DAAM1: variants seen among roughly 807,000 people sequenced by gnomAD.
DAAM1 encodes dishevelled associated activator of morphogenesis 1.
In DAAM1, 52 loss-of-function variants were observed where a neutral mutation model predicts 130.0. The ratio of observed to expected loss-of-function variants is 0.40; its 90% CI spans 0.32 to 0.50. The LOEUF is 0.50. Ranked by LOEUF, DAAM1 falls within the 20% of genes least tolerant of loss-of-function variation. The probability of loss-of-function intolerance (pLI) is 0.61; values close to 1 mark genes in which losing one functional copy is unlikely to be tolerated. For synonymous variants in DAAM1, 452 were observed against 444.5 expected (o/e 1.02, Z -0.21); for missense variants, 1,134 against 1,303.8 (o/e 0.87, Z 2.01).
intron 24 of DAAM1, among the ~76,000 whole-genome samples, chr14:59,368,195 AG>A (rs1310712053): frequency 6.6e-6 from 1 of 152,164 alleles, no homozygotes; most frequent in East Asian, 1.9e-4. Context: ...TGTATGTATT[AG>A]TTGGCTTTTA....
intron 1 of DAAM1, among the ~76,000 whole-genome samples, chr14:59,237,859 A>G (rs1295605265): frequency 1.3e-5 from 2 of 152,198 alleles, no homozygotes; most frequent in Non-Finnish European, 2.9e-5. Context: ...TTTAGATGAT[A>G]TATTCATAAC....
rs17095975 is a variant in DAAM1, at chr14:59,263,731, G to A, written c.183+71G>A. On this transcript the variant is annotated intron_variant, in intron 2 of 24. Transcript: ENST00000360909. ...GGAGAAGAGGAGAGGATGTGAATGAGTTGGTTTGGTTTGACATGGACTTTT... is the reference window on the plus strand; with the variant it reads ...GGAGAAGAGGAGAGGATGTGAATGAATTGGTTTGGTTTGACATGGACTTTT... The A allele has an allele frequency of 3.6e-3, 5,692 of 1,596,250 alleles. 118 individuals carry two copies. In the African/African-American group the frequency reaches 0.056, roughly 16 times the overall value.
At chr14:59,268,347 A>T (rs1050773759) in intron 2 of DAAM1, among the ~76,000 whole-genome samples, 4 of 152,236 alleles carry the variant, frequency 2.6e-5, no homozygotes, top group African/African-American at 9.6e-5. Context: ...TAATTCTTGC[A>T]AGTATATATG....
intron 2 of DAAM1, among the ~76,000 whole-genome samples, chr14:59,270,189 G>A (rs539895062): frequency 3.3e-5 from 5 of 152,244 alleles, no homozygotes; most frequent in African/African-American, 1.2e-4. Flanking sequence ...TCCATTTTAT[G>A]TTGCTATAAA....
intron 19 of DAAM1, 102 bp from the exon 20 acceptor site, chr14:59,355,061 ATC>A (rs1886424205): frequency 2.8e-6 from 4 of 1,416,312 alleles, no homozygotes; most frequent in Non-Finnish European, 3.8e-6. Flanking sequence ...CATCTTCAAT[ATC>A]TGTTATTAAG....
chr14:59,258,690 A>G (rs1280445364), intron 1 of DAAM1, among the ~76,000 whole-genome samples: 1 of 152,176 alleles, frequency 6.6e-6, no homozygotes, highest in Non-Finnish European at 1.5e-5. Context: ...CTAGGCTCTG[A>G]ATAGTGGAGC....
intron 3 of DAAM1, among the ~76,000 whole-genome samples, chr14:59,292,452 C>T (rs1883784991): frequency 6.6e-6 from 1 of 152,092 alleles, no homozygotes; most frequent in Non-Finnish European, 1.5e-5. Flanking sequence ...TCTTACATTA[C>T]TCAATAAAGG....
chr14:59,198,073 C>G (rs1487284894), intron 1 of DAAM1, among the ~76,000 whole-genome samples: 1 of 152,120 alleles, frequency 6.6e-6, no homozygotes, highest in African/African-American at 2.4e-5. Context: ...TCTGGATGGC[C>G]TTTGTTTATG....
At chr14:59,223,412 G>C (rs1888838809) in intron 1 of DAAM1, among the ~76,000 whole-genome samples, 2 of 152,194 alleles carry the variant, frequency 1.3e-5, no homozygotes, top group African/African-American at 4.8e-5. Context: ...AAGGAGGGTA[G>C]CCATCTGTAG....
At position 59,248,846 on chromosome 14, in the gene DAAM1, C is replaced by T. The variant is rs193189441; in HGVS notation, c.-37-14595C>T. Reference sequence around the variant, plus strand: ...TCGCCCAGGCTGGAGTGCAGTGGTGCGATCTCGGCTCACTGCAACTTCCGC... The same window carrying T: ...TCGCCCAGGCTGGAGTGCAGTGGTGTGATCTCGGCTCACTGCAACTTCCGC... On this transcript the variant is annotated intron_variant, in intron 1 of 24. Transcript: ENST00000360909. 3.2e-4 allele frequency among the ~76,000 whole-genome samples: 49 copies of T among 152,160 alleles called. 1 individual carries two copies. The highest frequency in any genetic ancestry group is 1.0e-3 in the African/African-American group (43 of 41,496).
intron 1 of DAAM1, among the ~76,000 whole-genome samples, chr14:59,240,698 G>A (rs980252727): frequency 2.6e-5 from 4 of 152,128 alleles, no homozygotes; most frequent in African/African-American, 9.7e-5. Flanking sequence ...ATGATTCCAG[G>A]CAAAAAAGAG....
chr14:59,193,029 G>T (rs1887778324), intron 1 of DAAM1, among the ~76,000 whole-genome samples: 1 of 152,112 alleles, frequency 6.6e-6, no homozygotes, highest in Admixed American at 6.6e-5. Context: ...CTCCAGCCTG[G>T]ACTACAGAGC....
intron 1 of DAAM1, among the ~76,000 whole-genome samples, chr14:59,228,426 TA>T (rs1247967654): frequency 6.6e-6 from 1 of 152,110 alleles, no homozygotes; most frequent in Non-Finnish European, 1.5e-5. Flanking sequence ...GAAAAAAAAC[TA>T]AAGGAAGGGG....
chr14:59,333,770 A>G (rs1489925261), intron 15 of DAAM1, among the ~76,000 whole-genome samples: 1 of 152,244 alleles, frequency 6.6e-6, no homozygotes, highest in African/African-American at 2.4e-5. Flanking sequence ...TTATAAAGGC[A>G]GGTGGTTGAA....
intron 19 of DAAM1, among the ~76,000 whole-genome samples, chr14:59,354,348 C>A (rs1026100540): frequency 2.6e-5 from 4 of 152,352 alleles, no homozygotes; most frequent in Non-Finnish European, 4.4e-5. Context: ...GCGTGAGCCA[C>A]TGCGCCTGGC....
At chr14:59,303,757 G>A (rs1321717101) in intron 3 of DAAM1, among the ~76,000 whole-genome samples, 2 of 152,062 alleles carry the variant, frequency 1.3e-5, no homozygotes, top group African/African-American at 4.8e-5. Flanking sequence ...AAAATTAGCT[G>A]GGCATGGTGG....
intron 2 of DAAM1, among the ~76,000 whole-genome samples, chr14:59,268,091 C>T (rs1228128997): frequency 3.3e-5 from 5 of 151,772 alleles, no homozygotes; most frequent in Admixed American, 6.6e-5. Flanking sequence ...TTTTTAGAGA[C>T]GGGGTTTTGC....
intron 2 of DAAM1, among the ~76,000 whole-genome samples, chr14:59,287,317 A>T (rs926496475): frequency 1.3e-5 from 2 of 152,224 alleles, no homozygotes; most frequent in African/African-American, 4.8e-5. Flanking sequence ...ACAAACCCAC[A>T]GCCAGCATCA....
intron 17 of DAAM1, among the ~76,000 whole-genome samples, chr14:59,349,061 C>G (rs1375447378): frequency 2.0e-5 from 3 of 152,230 alleles, no homozygotes; most frequent in Non-Finnish European, 4.4e-5. Flanking sequence ...CTAGCTCCTT[C>G]ACGTACCCTT....
Sources: allele counts gnomAD v4.1 joint callset (sites outside exome capture counted in the v4.1 genomes callset), GRCh38; gene constraint gnomAD v4.1.1; transcripts MANE v1.5; gene names NCBI Gene and HGNC (gene_info 2026-07-23, HGNC 2026-07-21).